Variants in BBS9 observed in about 807,000 individuals in gnomAD.
BBS9 encodes the protein protein PTHB1.
BBS9 carries 89 observed loss-of-function variants against 117.7 expected under a neutral mutation model. The observed-to-expected ratio is 0.76, with a 90% CI of 0.64 to 0.90. The LOEUF is 0.90. Ranked by LOEUF, BBS9 falls within the 40% of genes least tolerant of loss-of-function variation. The pLI is 0.00. For missense variants in BBS9, 982 were observed against 1,042.2 expected, an observed-to-expected ratio of 0.94 and a Z score of 0.80; for synonymous variants, 379 against 370.9, an observed-to-expected ratio of 1.02 and a Z score of -0.25.
intron 1 of BBS9, among the ~76,000 whole-genome samples, chr7:33,130,429 G>A (rs1012090766): frequency 6.6e-6 from 1 of 152,164 alleles, no homozygotes; most frequent in Non-Finnish European, 1.5e-5. Context: ...GTTACTTGGA[G>A]ACCACAACAG....
chr7:33,332,881 A>G (rs1814428544), intron 9 of BBS9, among the ~76,000 whole-genome samples: 2 of 152,134 alleles, frequency 1.3e-5, no homozygotes, highest in African/African-American at 2.4e-5. Flanking sequence ...TACCATTTTA[A>G]GCATTTTAAA....
chr7:33,284,797 A>G (rs1158109235), intron 9 of BBS9, among the ~76,000 whole-genome samples: 1 of 152,114 alleles, frequency 6.6e-6, no homozygotes, highest in East Asian at 1.9e-4. Flanking sequence ...GTTTTGAGAA[A>G]CCACGGCACT....
chr7:33,564,363 A>G (rs1301178130), intron 21 of BBS9, among the ~76,000 whole-genome samples: 1 of 152,190 alleles, frequency 6.6e-6, no homozygotes, highest in Non-Finnish European at 1.5e-5. Flanking sequence ...GGGGCATTAT[A>G]TATGGAGACA....
chr7:33,524,636 C>G (rs1005622569), intron 20 of BBS9, among the ~76,000 whole-genome samples: 1 of 152,080 alleles, frequency 6.6e-6, no homozygotes, highest in Non-Finnish European at 1.5e-5. Flanking sequence ...TGATTCTTCT[C>G]TCTTTTTTTC....
chr7:33,240,786 A>G (rs1429798630), intron 5 of BBS9, among the ~76,000 whole-genome samples: 1 of 152,136 alleles, frequency 6.6e-6, no homozygotes. Flanking sequence ...CTTTCAGTAA[A>G]AAAATTTTAC....
chr7:33,156,977 G>A (rs543436520), intron 4 of BBS9, among the ~76,000 whole-genome samples: 41 of 152,126 alleles, frequency 2.7e-4, no homozygotes, highest in African/African-American at 4.3e-4. Flanking sequence ...GTTTTTGACC[G>A]TAAGCCTGTT....
Position 33,273,042 on chromosome 7 carries a change from G to GC in BBS9, c.736dup (p.Leu246ProfsTer2). On this transcript the variant is annotated frameshift_variant, in exon 8 of 23. Coordinates refer to ENST00000242067, the MANE Select transcript of BBS9 (RefSeq NM_198428.3). LOFTEE classifies it high-confidence loss of function. ...TTGGACTCTAAATATTGGAGAGCAAGCCCTTGACATATGTATTGTCTCTTT... is the reference window on the plus strand; with the variant it reads ...TTGGACTCTAAATATTGGAGAGCAAGCCCCTTGACATATGTATTGTCTCTTT... 6.2e-7 allele frequency: 1 copy of GC among 1,613,654 alleles called. No individual in the cohort carries two copies. The highest frequency in any genetic ancestry group is 8.5e-7 in the Non-Finnish European group (1 of 1,179,734).
intron 16 of BBS9, among the ~76,000 whole-genome samples, chr7:33,365,789 T>G (rs1342944483): frequency 6.6e-6 from 1 of 152,256 alleles, no homozygotes; most frequent in Non-Finnish European, 1.5e-5. Flanking sequence ...CATTAGTGTT[T>G]ATGAAACAGC....
At chr7:33,138,009 GC>G (rs1250750191) in intron 1 of BBS9, among the ~76,000 whole-genome samples, 1 of 152,158 alleles carries the variant, frequency 6.6e-6, no homozygotes, top group Non-Finnish European at 1.5e-5. Flanking sequence ...TTAAAAATTA[GC>G]CCTTCCTCCA....
chr7:33,353,656 A>G (rs1819100609), intron 15 of BBS9, among the ~76,000 whole-genome samples: 1 of 152,108 alleles, frequency 6.6e-6, no homozygotes. Flanking sequence ...ATTTTAAGAT[A>G]CATTTTAGAT....
intron 5 of BBS9, among the ~76,000 whole-genome samples, chr7:33,215,273 A>G (rs1489694594): frequency 6.6e-6 from 1 of 152,374 alleles, no homozygotes; most frequent in Non-Finnish European, 1.5e-5. Flanking sequence ...ACAAATCAGC[A>G]TAGTACTGGC....
chr7:33,224,815 G>A (rs1790938309), intron 5 of BBS9, among the ~76,000 whole-genome samples: 1 of 152,192 alleles, frequency 6.6e-6, no homozygotes, highest in Non-Finnish European at 1.5e-5. Flanking sequence ...TTTACAGCTA[G>A]TGTTTCATTC....
chr7:33,565,844 T>TTTTATA (rs1554539791), intron 21 of BBS9, among the ~76,000 whole-genome samples: 4 of 80,034 alleles, frequency 5.0e-5, no homozygotes, highest in Non-Finnish European at 9.3e-5. Flanking sequence ...TATATACTGC[T>TTTTATA]TATATATATA....
intron 11 of BBS9, among the ~76,000 whole-genome samples, chr7:33,341,988 G>A (rs1162744794): frequency 6.6e-6 from 1 of 151,988 alleles, no homozygotes; most frequent in East Asian, 1.9e-4. Flanking sequence ...ACCAACAGAT[G>A]ATCAATTTAG....
At chr7:33,286,711 T>C (rs1202839056) in intron 9 of BBS9, among the ~76,000 whole-genome samples, 2 of 152,162 alleles carry the variant, frequency 1.3e-5, no homozygotes, top group Non-Finnish European at 2.9e-5. Context: ...ATAAAGTTTA[T>C]ATGCGGCTAA....
chr7:33,497,493 AT>A (rs1009870917), intron 19 of BBS9, among the ~76,000 whole-genome samples: 3 of 151,922 alleles, frequency 2.0e-5, no homozygotes, highest in Non-Finnish European at 4.4e-5. Context: ...TTGAGTTTTG[AT>A]TTTCTATGGC....
intron 1 of BBS9, among the ~76,000 whole-genome samples, chr7:33,143,394 G>GT (rs1286977666): frequency 3.3e-5 from 5 of 151,422 alleles, no homozygotes; most frequent in African/African-American, 9.7e-5. Context: ...GTTATTTTGT[G>GT]TTTTTTTCTT....
intron 10 of BBS9, among the ~76,000 whole-genome samples, 177 bp from the exon 11 acceptor site, chr7:33,340,720 T>C (rs1348903308): frequency 6.6e-6 from 1 of 152,148 alleles, no homozygotes; most frequent in Non-Finnish European, 1.5e-5. Context: ...TTTTACCATA[T>C]TATAGAGGGA....
chr7:33,252,046 C>T (rs1427323046), intron 5 of BBS9, among the ~76,000 whole-genome samples: 1 of 151,990 alleles, frequency 6.6e-6, no homozygotes, highest in Non-Finnish European at 1.5e-5. Context: ...TCTGGGGAGG[C>T]CTCAGGAAAC....
Sources: allele counts gnomAD v4.1 joint callset (sites outside exome capture counted in the v4.1 genomes callset), GRCh38; gene constraint gnomAD v4.1.1; transcripts MANE v1.5; gene names NCBI Gene and HGNC (gene_info 2026-07-23, HGNC 2026-07-21).